The following CDH13 variants were observed in gnomAD, a reference collection of about 807,000 sequenced individuals.
The protein encoded by CDH13 is cadherin 13.
Under a neutral mutation model 63.8 loss-of-function variants are expected in CDH13, and 24 were observed. The ratio of observed to expected loss-of-function variants is 0.38; its 90% confidence interval spans 0.27 to 0.53. The LOEUF (loss-of-function observed/expected upper bound fraction) is 0.53. CDH13 is among the 20% of genes least tolerant of loss of function. CDH13 has a pLI of 0.85. For missense variants in CDH13, 1,049 were observed against 903.1 expected, an observed-to-expected ratio of 1.16 and a Z score of -2.07; for synonymous variants, 503 against 355.3, an observed-to-expected ratio of 1.42 and a Z score of -4.67.
In CDH13 at chr16:83,670,878, G is replaced by T. The variant is rs750771524; in HGVS notation, c.1190G>T (p.Arg397Met). 4 of 1,613,852 alleles carry T rather than the reference G, an allele frequency of 2.5e-6. No homozygotes were observed. The highest frequency in any genetic ancestry group is 3.4e-6 in the Non-Finnish European group (4 of 1,179,804). Residue 397 changes from arginine (R) to methionine (M), a missense_variant, in exon 9 of 14, where the codon AGG becomes ATG. Transcript: ENST00000567109. The stretch of plus-strand genomic sequence containing the variant: ...GATGACCCCACCACAGGTGCATGGA[G>T]GGCTGCCTACACCATCATCAACGGA... The part of the protein sequence containing the change: ...DKDDPTTGAW[R>M]AAYTIINGNP...
At chr16:83,588,771 G>A (rs1386996231) in intron 7 of CDH13, among the ~76,000 whole-genome samples, 1 of 152,242 alleles carries the variant, frequency 6.6e-6, no homozygotes, top group Non-Finnish European at 1.5e-5. Flanking sequence ...GATTGAAATG[G>A]AAATATTTTC....
chr16:83,485,451 C>T (rs889454602), intron 6 of CDH13, among the ~76,000 whole-genome samples: 1 of 152,144 alleles, frequency 6.6e-6, no homozygotes, highest in Non-Finnish European at 1.5e-5. Context: ...TTGTATGACT[C>T]TTGCTTGTTT....
intron 1 of CDH13, among the ~76,000 whole-genome samples, chr16:82,834,676 ATGTC>A (rs1411521436): frequency 6.6e-6 from 1 of 152,112 alleles, no homozygotes; most frequent in Non-Finnish European, 1.5e-5. Flanking sequence ...TGCCTGATAA[ATGTC>A]TGTCTGCTCA....
intron 1 of CDH13, among the ~76,000 whole-genome samples, chr16:82,710,029 C>T (rs2031787758): frequency 6.6e-6 from 1 of 151,006 alleles, no homozygotes; most frequent in South Asian, 2.1e-4. Context: ...ACAAAGACTG[C>T]CTTAAATAAA....
At chr16:82,915,119 C>T (rs192258362) in intron 2 of CDH13, among the ~76,000 whole-genome samples, 95 of 152,336 alleles carry the variant, frequency 6.2e-4, no homozygotes, top group African/African-American at 2.2e-3. Context: ...AAACAGAACT[C>T]AAGCCTGGAT....
At chr16:83,110,464 G>A (rs1354709710) in intron 3 of CDH13, among the ~76,000 whole-genome samples, 1 of 152,134 alleles carries the variant, frequency 6.6e-6, no homozygotes, top group East Asian at 1.9e-4. Flanking sequence ...TCCCGAAGGG[G>A]TGCCTCCCAG....
chr16:83,443,877 G>C (rs984730796), intron 6 of CDH13, among the ~76,000 whole-genome samples: 2 of 148,612 alleles, frequency 1.3e-5, no homozygotes, highest in Non-Finnish European at 3.0e-5. Flanking sequence ...TGAGACTGCA[G>C]TGAGCCAAGA....
chr16:82,778,804 G>A (rs1483787817), intron 1 of CDH13, among the ~76,000 whole-genome samples: 2 of 152,008 alleles, frequency 1.3e-5, no homozygotes, highest in Admixed American at 6.6e-5. Flanking sequence ...GAAAAAACAT[G>A]GCAAAGACCA....
At chr16:83,628,926 A>G (rs926686724) in intron 8 of CDH13, among the ~76,000 whole-genome samples, 1 of 152,246 alleles carries the variant, frequency 6.6e-6, no homozygotes, top group Non-Finnish European at 1.5e-5. Context: ...GGAAACCTAC[A>G]ATCAGGATTG....
intron 5 of CDH13, among the ~76,000 whole-genome samples, chr16:83,273,547 A>G (rs113289346): frequency 0.028 from 4,288 of 152,284 alleles, 188 homozygotes; most frequent in African/African-American, 0.092. Context: ...GCCACAAAAA[A>G]GAACGAGATC....
chr16:83,234,637 C>T (rs561367204), intron 5 of CDH13, among the ~76,000 whole-genome samples: 3 of 152,120 alleles, frequency 2.0e-5, no homozygotes, highest in Admixed American at 6.5e-5. Flanking sequence ...GTTAAGTCTC[C>T]CCTGCCATGC....
chr16:83,658,985 C>G (rs1474047272), intron 8 of CDH13, among the ~76,000 whole-genome samples: 1 of 147,156 alleles, frequency 6.8e-6, no homozygotes, highest in Non-Finnish European at 1.5e-5. Flanking sequence ...GGTCCCATGT[C>G]CTCACCACCA....
At chr16:82,940,737 C>G (rs553206287) in intron 2 of CDH13, among the ~76,000 whole-genome samples, 29 of 152,272 alleles carry the variant, frequency 1.9e-4, no homozygotes, top group African/African-American at 7.0e-4. Context: ...CAGGCACATA[C>G]AGGCCCTATT....
chr16:83,523,904 C>T (rs145111600), intron 7 of CDH13, among the ~76,000 whole-genome samples: 2 of 152,284 alleles, frequency 1.3e-5, no homozygotes, highest in East Asian at 1.9e-4. Flanking sequence ...TGTGTCAGGA[C>T]TCTAGAATGA....
At chr16:83,445,062 TTATTTA>T (rs1376889200) in intron 6 of CDH13, among the ~76,000 whole-genome samples, 4 of 152,066 alleles carry the variant, frequency 2.6e-5, no homozygotes, top group African/African-American at 9.7e-5. Context: ...CTTTCAGGGA[TTATTTA>T]TATTCTTAAT....
intron 1 of CDH13, among the ~76,000 whole-genome samples, chr16:82,642,500 C>A (rs1000694925): frequency 3.3e-5 from 5 of 152,156 alleles, no homozygotes; most frequent in African/African-American, 1.2e-4. Flanking sequence ...TTCTCTCTCT[C>A]TTTGGTGGGA....
chr16:82,744,179 C>T (rs2034058173), intron 1 of CDH13, among the ~76,000 whole-genome samples: 1 of 152,130 alleles, frequency 6.6e-6, no homozygotes, highest in South Asian at 2.1e-4. Flanking sequence ...CAGCCTCTGC[C>T]AGCATGTTTC....
chr16:83,437,960 A>C (rs933826687), intron 6 of CDH13, among the ~76,000 whole-genome samples: 1 of 151,864 alleles, frequency 6.6e-6, no homozygotes, highest in Non-Finnish European at 1.5e-5. Flanking sequence ...GCTTCCCTCC[A>C]TCCATCCTCC....
rs1035512574 is a variant in CDH13, at chr16:83,586,772, G to A, written c.961-15682G>A. 3.6e-4 allele frequency among the ~76,000 whole-genome samples: 55 copies of A among 152,142 alleles called. 1 individual carries two copies. Among genetic ancestry groups the A allele is most frequent in the Admixed American group, 2.4e-3 (37 of 15,282 alleles). Reference sequence around the variant, plus strand: ...CTGTACCAGGCATAAAATCACGGGGGGAGCCTTCCAGAATAATCTGTGGCC... The same window carrying A: ...CTGTACCAGGCATAAAATCACGGGGAGAGCCTTCCAGAATAATCTGTGGCC... On this transcript the variant is annotated intron_variant, in intron 7 of 13. Transcript: ENST00000567109.
Sources: gnomAD v4.1 joint callset for allele counts (sites outside exome capture counted in the v4.1 genomes callset) on GRCh38, gnomAD v4.1.1 for gene constraint, MANE v1.5 for transcripts, NCBI Gene and HGNC (gene_info 2026-07-23, HGNC 2026-07-21) for gene names.